Variants in NOL4 observed in about 807,000 individuals in gnomAD.
The protein encoded by NOL4 is nucleolar protein 4, also known as cancer/testis antigen 125.
Under a neutral mutation model 75.9 loss-of-function variants are expected in NOL4, and 17 were observed. The ratio of observed to expected loss-of-function variants is 0.22; its 90% CI spans 0.15 to 0.34. NOL4 has a LOEUF of 0.34. Ranked by LOEUF, NOL4 falls within the 10% of genes least tolerant of loss-of-function variation. The pLI is 1.00. For synonymous variants in NOL4, 292 were observed against 289.9 expected (o/e 1.01, Z -0.07); for missense variants, 614 against 793.5 (o/e 0.77, Z 2.72).
At chr18:34,111,584 T>C (rs921501944) in intron 2 of NOL4, among the ~76,000 whole-genome samples, 4 of 152,168 alleles carry the variant, frequency 2.6e-5, no homozygotes, top group African/African-American at 9.7e-5. Flanking sequence ...CTAGGTTCCA[T>C]AACTATGGGT....
At chr18:34,048,773 T>A (rs1380180867) in intron 5 of NOL4, among the ~76,000 whole-genome samples, 1 of 152,030 alleles carries the variant, frequency 6.6e-6, no homozygotes, top group East Asian at 1.9e-4. Flanking sequence ...ACTGTCAGAC[T>A]GGGTTGTTGA....
At chr18:34,161,277 G>A (rs529523056) in intron 1 of NOL4, among the ~76,000 whole-genome samples, 1 of 152,158 alleles carries the variant, frequency 6.6e-6, no homozygotes, top group Non-Finnish European at 1.5e-5. Context: ...AATAAACATG[G>A]GAGTGCAGAT....
At chr18:33,863,057 G>T (rs1381056222) in intron 10 of NOL4, among the ~76,000 whole-genome samples, 1 of 152,282 alleles carries the variant, frequency 6.6e-6, no homozygotes, top group South Asian at 2.1e-4. Context: ...TTAAGAAAAT[G>T]TGGCACATAT....
chr18:33,904,596 G>A (rs1035712225), intron 9 of NOL4, among the ~76,000 whole-genome samples: 2 of 152,100 alleles, frequency 1.3e-5, no homozygotes, highest in Admixed American at 6.6e-5. Flanking sequence ...GCCATGACAG[G>A]CAAGTGTTAA....
At chr18:34,222,444 C>A in intron 1 of NOL4, 1 of 1,097,360 alleles carries the variant, frequency 9.1e-7, no homozygotes, top group Non-Finnish European at 1.1e-6. Flanking sequence ...TGCCCCGTGC[C>A]TCCCGGGCAG....
intron 1 of NOL4, among the ~76,000 whole-genome samples, chr18:34,218,270 T>A (rs1017212263): frequency 3.3e-5 from 5 of 152,078 alleles, no homozygotes; most frequent in Non-Finnish European, 7.3e-5. Context: ...GTCTAGAGAG[T>A]AAACCCGTAG....
chr18:33,987,998 A>C (rs2146071368), intron 6 of NOL4, among the ~76,000 whole-genome samples: 1 of 152,262 alleles, frequency 6.6e-6, no homozygotes, highest in Middle Eastern at 3.4e-3. Flanking sequence ...AGAACCAAGA[A>C]GAAACTCGTC....
chr18:33,894,254 C>A (rs1466229013), intron 9 of NOL4, among the ~76,000 whole-genome samples: 1 of 152,092 alleles, frequency 6.6e-6, no homozygotes, highest in Non-Finnish European at 1.5e-5. Flanking sequence ...CTAAGAAAAA[C>A]TGTCTGCAGT....
intron 10 of NOL4, among the ~76,000 whole-genome samples, chr18:33,853,598 T>C (rs1475294760): frequency 3.3e-5 from 5 of 152,074 alleles, no homozygotes; most frequent in African/African-American, 1.2e-4. Context: ...AGTATTTTAT[T>C]ATTATTATTT....
At chr18:33,979,283 G>T (rs924182001) in intron 6 of NOL4, among the ~76,000 whole-genome samples, 1 of 151,462 alleles carries the variant, frequency 6.6e-6, no homozygotes, top group South Asian at 2.1e-4. Flanking sequence ...AGGATGAGAG[G>T]GCAAAAAGAA....
At chr18:34,137,624 A>C (rs1216213771) in intron 1 of NOL4, among the ~76,000 whole-genome samples, 1 of 152,174 alleles carries the variant, frequency 6.6e-6, no homozygotes, top group African/African-American at 2.4e-5. Context: ...TTAAATAACA[A>C]GTATTGGCAA....
chr18:34,217,447 G>A (rs1451649302), intron 1 of NOL4, among the ~76,000 whole-genome samples: 2 of 151,692 alleles, frequency 1.3e-5, no homozygotes, highest in East Asian at 3.9e-4. Flanking sequence ...GCCACACCCA[G>A]CTAATTTTTT....
intron 5 of NOL4, among the ~76,000 whole-genome samples, chr18:34,024,341 G>T (rs1382200150): frequency 6.7e-6 from 1 of 150,252 alleles, no homozygotes. Context: ...CTAGTCCTTT[G>T]ATGCCCCCCT....
intron 1 of NOL4, among the ~76,000 whole-genome samples, chr18:34,202,432 T>G (rs1016544869): frequency 3.9e-5 from 6 of 152,000 alleles, no homozygotes; most frequent in Non-Finnish European, 8.8e-5. Context: ...TCACTGTTTA[T>G]AAACATTAAT....
At chr18:34,143,119 A>G (rs2081254196) in intron 1 of NOL4, among the ~76,000 whole-genome samples, 1 of 151,958 alleles carries the variant, frequency 6.6e-6, no homozygotes. Flanking sequence ...GGAAGAAACC[A>G]AGTGGAGGAG....
At chr18:34,042,099 T>C (rs558786564) in intron 5 of NOL4, among the ~76,000 whole-genome samples, 19 of 152,138 alleles carry the variant, frequency 1.2e-4, no homozygotes. Context: ...GAATATACTT[T>C]AGTAAATTCT....
intron 4 of NOL4, among the ~76,000 whole-genome samples, chr18:34,099,111 C>T (rs1362257839): frequency 6.6e-6 from 1 of 151,852 alleles, no homozygotes; most frequent in Non-Finnish European, 1.5e-5. Flanking sequence ...ACCTGTAATC[C>T]CAGCACTTTG....
chr18:34,125,515 G>A (rs1319051167), intron 2 of NOL4, among the ~76,000 whole-genome samples: 1 of 152,086 alleles, frequency 6.6e-6, no homozygotes, highest in Non-Finnish European at 1.5e-5. Flanking sequence ...AGAAACTGGT[G>A]CAAGTTAGAA....
intron 1 of NOL4, among the ~76,000 whole-genome samples, chr18:34,195,113 T>C (rs1408716621): frequency 6.6e-6 from 1 of 151,970 alleles, no homozygotes; most frequent in African/African-American, 2.4e-5. Flanking sequence ...CTATTTAACA[T>C]ACAGATATTT....
Sources: gnomAD v4.1 joint callset for allele counts (sites outside exome capture counted in the v4.1 genomes callset) on GRCh38, gnomAD v4.1.1 for gene constraint, MANE v1.5 for transcripts, NCBI Gene and HGNC (gene_info 2026-07-23, HGNC 2026-07-21) for gene names.